GALNTL6: variants seen among roughly 807,000 people sequenced by gnomAD.
The protein encoded by GALNTL6 is polypeptide N-acetylgalactosaminyltransferase-like 6.
Under a neutral mutation model 73.7 loss-of-function variants are expected in GALNTL6, and 46 were observed. The observed-to-expected ratio is 0.62, with a 90% CI of 0.49 to 0.80. GALNTL6 has a LOEUF of 0.80. GALNTL6 is among the 30% of genes least tolerant of loss of function. GALNTL6 has a pLI of 0.00. For missense variants in GALNTL6, 604 were observed against 755.0 expected, an observed-to-expected ratio of 0.80 and a Z score of 2.34; for synonymous variants, 259 against 263.7, an observed-to-expected ratio of 0.98 and a Z score of 0.17.
At chr4:172,014,234 G>T (rs1041912170) in intron 2 of GALNTL6, among the ~76,000 whole-genome samples, 2 of 151,828 alleles carry the variant, frequency 1.3e-5, no homozygotes, top group East Asian at 3.9e-4. Context: ...TGGGTATATG[G>T]TGAGCAGTGA....
At chr4:172,417,780 C>G (rs551110060) in intron 5 of GALNTL6, among the ~76,000 whole-genome samples, 2 of 152,256 alleles carry the variant, frequency 1.3e-5, no homozygotes, top group South Asian at 4.1e-4. Flanking sequence ...CAAGTGGAAA[C>G]TTACCATTCT....
chr4:172,736,198 C>G (rs1255609546), intron 5 of GALNTL6, among the ~76,000 whole-genome samples: 2 of 152,170 alleles, frequency 1.3e-5, no homozygotes, highest in African/African-American at 4.8e-5. Context: ...CCAATCCTAG[C>G]AAGCTGGGGG....
chr4:172,078,413 CTG>C (rs147372388), intron 2 of GALNTL6, among the ~76,000 whole-genome samples: 498 of 152,236 alleles, frequency 3.3e-3, no homozygotes, highest in Middle Eastern at 0.01. Context: ...GCCTGTGGAA[CTG>C]TGAGTCAATT....
intron 2 of GALNTL6, among the ~76,000 whole-genome samples, chr4:171,935,941 T>G (rs771221227): frequency 5.3e-5 from 8 of 152,178 alleles, no homozygotes; most frequent in Non-Finnish European, 1.0e-4. Context: ...AAAGTGAGCT[T>G]CATGTCACAC....
At chr4:172,694,496 T>C (rs1397713007) in intron 5 of GALNTL6, among the ~76,000 whole-genome samples, 2 of 152,202 alleles carry the variant, frequency 1.3e-5, no homozygotes, top group Admixed American at 6.5e-5. Context: ...TATGGCTGCA[T>C]AGTATTCCGT....
intron 2 of GALNTL6, among the ~76,000 whole-genome samples, chr4:171,912,819 C>A (rs1031585295): frequency 6.6e-6 from 1 of 152,128 alleles, no homozygotes; most frequent in Non-Finnish European, 1.5e-5. Context: ...CTGTGCCAGG[C>A]TTCCTTCACT....
chr4:171,849,548 A>C (rs1209053175), intron 2 of GALNTL6, among the ~76,000 whole-genome samples: 4 of 152,230 alleles, frequency 2.6e-5, no homozygotes, highest in Admixed American at 6.5e-5. Context: ...AATAAAGAAA[A>C]TCTTGTAAGC....
At chr4:172,251,399 A>G (rs1233193651) in intron 3 of GALNTL6, among the ~76,000 whole-genome samples, 1 of 152,134 alleles carries the variant, frequency 6.6e-6, no homozygotes, top group Non-Finnish European at 1.5e-5. Context: ...TTGAGCATAC[A>G]TTTTAGCACT....
At chr4:171,878,188 C>T (rs1040070247) in intron 2 of GALNTL6, among the ~76,000 whole-genome samples, 60 of 152,114 alleles carry the variant, frequency 3.9e-4, no homozygotes, top group African/African-American at 1.3e-3. Context: ...GATAGTTAAC[C>T]GTGTAATTTA....
At chr4:172,015,153 T>C (rs1741146232) in intron 2 of GALNTL6, among the ~76,000 whole-genome samples, 1 of 152,152 alleles carries the variant, frequency 6.6e-6, no homozygotes, top group Non-Finnish European at 1.5e-5. Context: ...AGTGGAGTAT[T>C]GAAGTCCTCC....
At chr4:172,784,856 G>A (rs1397400641) in intron 5 of GALNTL6, among the ~76,000 whole-genome samples, 1 of 152,146 alleles carries the variant, frequency 6.6e-6, no homozygotes, top group Non-Finnish European at 1.5e-5. Context: ...AATGCTAGAT[G>A]CTACCCCTAT....
At chr4:171,841,434 A>G (rs886819519) in intron 2 of GALNTL6, among the ~76,000 whole-genome samples, 2 of 152,156 alleles carry the variant, frequency 1.3e-5, no homozygotes, top group Non-Finnish European at 2.9e-5. Context: ...TCATTGTTTT[A>G]CAAAAACAAA....
intron 5 of GALNTL6, among the ~76,000 whole-genome samples, chr4:172,770,093 G>A (rs1738674129): frequency 6.6e-6 from 1 of 151,692 alleles, no homozygotes; most frequent in Admixed American, 6.6e-5. Flanking sequence ...GTGAAACCCA[G>A]TATCTACTAA....
chr4:172,828,689 C>T (rs1057208508), intron 7 of GALNTL6, among the ~76,000 whole-genome samples: 44 of 152,154 alleles, frequency 2.9e-4, no homozygotes, highest in African/African-American at 9.4e-4. Flanking sequence ...GGAACAAGTA[C>T]AATTCTCATG....
At chr4:172,444,110 T>A (rs1333344843) in intron 5 of GALNTL6, among the ~76,000 whole-genome samples, 1 of 152,182 alleles carries the variant, frequency 6.6e-6, no homozygotes, top group East Asian at 1.9e-4. Context: ...AGAAAGAGAT[T>A]AGTCTGGAGT....
intron 2 of GALNTL6, among the ~76,000 whole-genome samples, chr4:171,832,179 A>T (rs903963041): frequency 6.6e-6 from 1 of 151,440 alleles, no homozygotes; most frequent in Non-Finnish European, 1.5e-5. Flanking sequence ...GAAATTTTTT[A>T]AAATAATGTG....
chr4:172,646,708 AC>A (rs1740258654), intron 5 of GALNTL6, among the ~76,000 whole-genome samples: 1 of 152,058 alleles, frequency 6.6e-6, no homozygotes, highest in Non-Finnish European at 1.5e-5. Flanking sequence ...AAATATCAGA[AC>A]AACTATTCTT....
chr4:172,006,560 G>A (rs1444854113), intron 2 of GALNTL6, among the ~76,000 whole-genome samples: 1 of 152,084 alleles, frequency 6.6e-6, no homozygotes, highest in African/African-American at 2.4e-5. Flanking sequence ...CCTGGATGTT[G>A]AGGCTGCAGT....
intron 2 of GALNTL6, among the ~76,000 whole-genome samples, chr4:172,214,803 G>A (rs1026124171): frequency 2.0e-5 from 3 of 152,002 alleles, no homozygotes; most frequent in Admixed American, 6.6e-5. Context: ...GTGAGGCACC[G>A]TGCCCGGCCT....
Sources: gnomAD v4.1 joint callset for allele counts (sites outside exome capture counted in the v4.1 genomes callset) on GRCh38, gnomAD v4.1.1 for gene constraint, MANE v1.5 for transcripts, NCBI Gene and HGNC (gene_info 2026-07-23, HGNC 2026-07-21) for gene names.